The following FRMD3 variants were observed in gnomAD, a reference collection of about 807,000 sequenced individuals.
FRMD3 encodes FERM domain-containing protein 3.
Under a neutral mutation model 70.2 loss-of-function variants are expected in FRMD3, and 33 were observed. That is an observed-to-expected ratio of 0.47 (90% CI 0.36 to 0.63). FRMD3 has a LOEUF of 0.63. Among genes scored for constraint, FRMD3 ranks in the 20% least tolerant of loss-of-function variants. The pLI, the probability that FRMD3 is intolerant of heterozygous loss-of-function variation, is 0.00. For synonymous variants in FRMD3, 279 were observed against 255.9 expected (o/e 1.09, Z -0.86); for missense variants, 632 against 711.4 (o/e 0.89, Z 1.27).
At chr9:83,266,208 T>C (rs1376025913) in intron 13 of FRMD3, among the ~76,000 whole-genome samples, 1 of 152,130 alleles carries the variant, frequency 6.6e-6, no homozygotes, top group Admixed American at 6.5e-5. Flanking sequence ...ACGGAAAGCA[T>C]CTATATATTT....
intron 4 of FRMD3, among the ~76,000 whole-genome samples, chr9:83,343,603 C>T (rs566692809): frequency 8.6e-4 from 131 of 152,260 alleles, no homozygotes; most frequent in African/African-American, 3.0e-3. Flanking sequence ...GCAGCTCCCG[C>T]ACGAGGACAG....
intron 6 of FRMD3, among the ~76,000 whole-genome samples, chr9:83,320,600 T>C (rs1207162719): frequency 6.6e-6 from 1 of 151,958 alleles, no homozygotes; most frequent in African/African-American, 2.4e-5. Context: ...GATTTTTGCA[T>C]TTATGTTCAT....
chr9:83,388,909 C>T (rs1417555602), intron 2 of FRMD3, among the ~76,000 whole-genome samples: 3 of 150,510 alleles, frequency 2.0e-5, no homozygotes, highest in Non-Finnish European at 4.4e-5. Flanking sequence ...ACCCATTAAG[C>T]AGTTATTTCT....
intron 1 of FRMD3, among the ~76,000 whole-genome samples, chr9:83,402,486 G>A (rs1234347847): frequency 2.0e-5 from 3 of 151,810 alleles, no homozygotes; most frequent in African/African-American, 7.3e-5. Context: ...AAGAGTGGAT[G>A]GATGAATAGT....
At chr9:83,556,337 T>C in the FRMD3 span, among the ~76,000 whole-genome samples, 5 of 152,390 alleles carry the variant, frequency 3.3e-5, no homozygotes, top group Non-Finnish European at 5.9e-5. Context: ...CCATGCATTA[T>C]TGACCTACAG....
At chr9:83,425,234 C>T (rs1826767850) in intron 1 of FRMD3, among the ~76,000 whole-genome samples, 1 of 152,098 alleles carries the variant, frequency 6.6e-6, no homozygotes, top group African/African-American at 2.4e-5. Flanking sequence ...GATATATATC[C>T]TAGATTATAG....
chr9:83,421,993 G>A (rs1288398890), intron 1 of FRMD3, among the ~76,000 whole-genome samples: 1 of 152,210 alleles, frequency 6.6e-6, no homozygotes, highest in Non-Finnish European at 1.5e-5. Flanking sequence ...GGGAGGCAGA[G>A]GCAAGTGGAT....
At chr9:83,420,698 A>C (rs6559723) in intron 1 of FRMD3, among the ~76,000 whole-genome samples, 85,529 of 151,988 alleles carry the variant, frequency 0.56, 24,968 homozygotes, top group African/African-American at 0.73. Context: ...ATGGGGATAG[A>C]TCCCTTGTAA....
intron 13 of FRMD3, among the ~76,000 whole-genome samples, chr9:83,284,058 G>GTTTTT (rs1563993854): frequency 2.5e-5 from 2 of 79,320 alleles, no homozygotes; most frequent in African/African-American, 9.4e-5. Context: ...AAGCTAGGAT[G>GTTTTT]TTATTTTTTT....
intron 13 of FRMD3, among the ~76,000 whole-genome samples, chr9:83,254,305 G>A (rs1832584158): frequency 6.6e-6 from 1 of 150,824 alleles, no homozygotes; most frequent in Admixed American, 6.7e-5. Context: ...AAACAACTGA[G>A]AGGAATCACT....
intron 1 of FRMD3, among the ~76,000 whole-genome samples, chr9:83,482,037 T>TA (rs1564098132): frequency 6.7e-6 from 1 of 149,758 alleles, no homozygotes; most frequent in African/African-American, 2.5e-5. Context: ...AAATTAGACA[T>TA]AAAACAAAAG....
At chr9:83,434,868 C>A (rs1294587041) in intron 1 of FRMD3, among the ~76,000 whole-genome samples, 1 of 143,588 alleles carries the variant, frequency 7.0e-6, no homozygotes, top group Non-Finnish European at 1.5e-5. Context: ...GCTCTGTCAC[C>A]CAGGCTGGAG....
chr9:83,564,112 C>T, the FRMD3 span, among the ~76,000 whole-genome samples: 770 of 152,268 alleles, frequency 5.1e-3, 7 homozygotes, highest in African/African-American at 0.018. Flanking sequence ...GCTGGCCTCT[C>T]TCTAGGCCAA....
rs570674418 is a variant in FRMD3, at chr9:83,305,938, C to G, written c.926+3598G>C. The stretch of plus-strand genomic sequence containing the variant: ...TCTCTGACATGCCAAGTTGACCTAC[C>G]TAGTTCATGATAAAATTACCAGAAT... On this transcript the variant is annotated intron_variant, in intron 10 of 13. Coordinates refer to ENST00000304195, the MANE Select transcript of FRMD3 (RefSeq NM_174938.6). 2.0e-5 allele frequency among the ~76,000 whole-genome samples: 3 copies of G among 152,284 alleles called. No homozygotes were observed. The South Asian group carries it at 6.2e-4, about 32-fold the overall frequency.
intron 1 of FRMD3, among the ~76,000 whole-genome samples, chr9:83,404,864 T>C (rs535643451): frequency 1.3e-5 from 2 of 152,338 alleles, no homozygotes; most frequent in African/African-American, 4.8e-5. Flanking sequence ...AAGCATTGGG[T>C]TGCTTATCAG....
At position 83,442,481 on chromosome 9, in the gene FRMD3, C is replaced by G. The variant is rs376695938; in HGVS notation, c.148-52773G>C. Among the ~76,000 whole-genome samples, 3 of 152,156 alleles carry G rather than the reference C, an allele frequency of 2.0e-5. No homozygotes were observed. The East Asian group carries it at 5.8e-4, about 29-fold the overall frequency. On this transcript the variant is annotated intron_variant, in intron 1 of 13. Coordinates refer to ENST00000304195, the MANE Select transcript of FRMD3 (RefSeq NM_174938.6). ...CCATGTTGGCCAGGCTGGTCTCCAA[C>G]TCCTGACCTCAAGTGATCCACCCAC...
intron 1 of FRMD3, among the ~76,000 whole-genome samples, chr9:83,409,929 C>T (rs1826232563): frequency 6.6e-6 from 1 of 152,192 alleles, no homozygotes; most frequent in Admixed American, 6.5e-5. Flanking sequence ...TGAGCATTCC[C>T]TGGATCAAGT....
At chr9:83,470,690 A>T (rs540970079) in intron 1 of FRMD3, among the ~76,000 whole-genome samples, 2 of 152,350 alleles carry the variant, frequency 1.3e-5, no homozygotes, top group South Asian at 4.1e-4. Context: ...GGATTCATGA[A>T]TAGAATACAC....
chr9:83,511,410 C>A (rs1377635272), intron 1 of FRMD3, among the ~76,000 whole-genome samples: 1 of 152,150 alleles, frequency 6.6e-6, no homozygotes, highest in East Asian at 1.9e-4. Context: ...CCTCTCCTTT[C>A]TTTCCACTTA....
Sources: allele counts gnomAD v4.1 joint callset (sites outside exome capture counted in the v4.1 genomes callset), GRCh38; gene constraint gnomAD v4.1.1; transcripts MANE v1.5; gene names NCBI Gene and HGNC (gene_info 2026-07-23, HGNC 2026-07-21).